Variants in LIFR observed in about 807,000 individuals in gnomAD.
The protein encoded by LIFR is leukemia inhibitory factor receptor.
Under a neutral mutation model 122.2 loss-of-function variants are expected in LIFR, and 84 were observed. The ratio of observed to expected loss-of-function variants is 0.69; its 90% CI spans 0.58 to 0.82. The LOEUF is 0.82. LIFR is among the 40% of genes least tolerant of loss of function. The probability of loss-of-function intolerance (pLI) is 0.00; values close to 1 mark genes in which losing one functional copy is unlikely to be tolerated. For synonymous variants in LIFR, 422 were observed against 434.7 expected, an observed-to-expected ratio of 0.97 and a Z score of 0.36; for missense variants, 1,294 against 1,311.6, an observed-to-expected ratio of 0.99 and a Z score of 0.21.
chr5:38,536,954 T>C (rs373912785), intron 1 of LIFR, among the ~76,000 whole-genome samples: 4 of 152,252 alleles, frequency 2.6e-5, no homozygotes, highest in African/African-American at 7.2e-5. Flanking sequence ...AGAATAATCT[T>C]GTCAATTTTT....
Position 38,506,592 on chromosome 5 carries a change from A to G in LIFR, c.1032T>C (p.His344=). ...DTPQQLNCET[H]DLKEIICSWN... is the part of the protein sequence containing the mutation. The stretch of plus-strand genomic sequence containing the variant: ...AACTACATATAATTTCTTTTAAATC[A>G]TGTGTCTCACAATTCAGTTGTTGAG... The change falls in exon 8 of 20, where the codon CAT becomes CAC. Residue 344 remains histidine (H), a synonymous_variant. Coordinates refer to ENST00000453190, the MANE Select transcript of LIFR (RefSeq NM_001127671.2). 1 of 1,613,744 alleles carries G rather than the reference A, an allele frequency of 6.2e-7. No individual in the cohort carries two copies. The highest frequency in any genetic ancestry group is 8.5e-7 in the Non-Finnish European group (1 of 1,179,680).
intron 11 of LIFR, among the ~76,000 whole-genome samples, chr5:38,500,332 G>A (rs1194674534): frequency 2.0e-5 from 3 of 152,174 alleles, no homozygotes; most frequent in South Asian, 2.1e-4. Flanking sequence ...TCCCTCATCC[G>A]AAATGCTTGG....
upstream of LIFR, among the ~76,000 whole-genome samples, chr5:38,560,744 C>T (rs775189710): frequency 2.0e-4 from 31 of 151,814 alleles, no homozygotes; most frequent in Non-Finnish European, 3.8e-4. Context: ...TACAGGTGTC[C>T]GCCACCACGT....
At chr5:38,585,855 T>G (rs1749728980) in intron 1 of LIFR, among the ~76,000 whole-genome samples, 1 of 152,080 alleles carries the variant, frequency 6.6e-6, no homozygotes, top group Non-Finnish European at 1.5e-5. Context: ...CTAGCTAGGC[T>G]ATTATAGACT....
intron 19 of LIFR, 126 bp from the exon 20 acceptor site, chr5:38,482,344 T>C: frequency 1.1e-6 from 1 of 871,810 alleles, no homozygotes; most frequent in Non-Finnish European, 1.7e-6. Context: ...ACTCTGTATT[T>C]CACACAACAG....
chr5:38,548,266 G>C (rs1289655196), intron 1 of LIFR, among the ~76,000 whole-genome samples: 1 of 152,172 alleles, frequency 6.6e-6, no homozygotes, highest in Non-Finnish European at 1.5e-5. Flanking sequence ...TCTCACACTT[G>C]TGTAATGTAA....
chr5:38,518,344 T>A (rs1377827170), intron 5 of LIFR, among the ~76,000 whole-genome samples: 1 of 152,140 alleles, frequency 6.6e-6, no homozygotes, highest in Non-Finnish European at 1.5e-5. Context: ...GTATCATCTG[T>A]AAAATGGGAA....
At chr5:38,605,074 C>G (rs3099120) in intron 2 of LIFR, among the ~76,000 whole-genome samples, 37,772 of 151,824 alleles carry the variant, frequency 0.25, 5,012 homozygotes, top group African/African-American at 0.35. Flanking sequence ...AGTAACAGGC[C>G]TCCGAGAGAA....
In LIFR at chr5:38,528,844, G is replaced by A. The variant is rs748558512; in HGVS notation, c.143-4C>T. 7.1e-7 allele frequency: 1 copy of A among 1,407,106 alleles called. No homozygotes were observed. The highest frequency in any genetic ancestry group is 9.8e-7 in the Non-Finnish European group (1 of 1,025,442). 87.2% of individuals were successfully genotyped at this position (1,407,106 alleles called of 1,614,324 possible). A position where few individuals can be genotyped will look rare whatever the true frequency, so the allele number is the denominator to read the frequency against. On this transcript the variant is annotated splice_polypyrimidine_tract_variant and splice_region_variant and intron_variant, in intron 2 of 19. Coordinates refer to ENST00000453190, the MANE Select transcript of LIFR (RefSeq NM_001127671.2). ...CACTTCAAATCATGAGGAGCCCCTG[G>A]AGGAGACACACACACACACACACAC...
chr5:38,578,490 G>C (rs866200845), intron 1 of LIFR, among the ~76,000 whole-genome samples: 2 of 151,678 alleles, frequency 1.3e-5, no homozygotes, highest in Non-Finnish European at 1.5e-5. Context: ...ATAGGCATGA[G>C]ACACCACGCC....
chr5:38,535,620 G>C lies in LIFR; in HGVS notation c.-19-4954C>G, dbSNP rs538322699. ...AGAGTTTGCTGACTTCTGCTCTACT[G>C]CTTCACTTCCTAATCTTATAATTCT... On this transcript the variant is annotated intron_variant, in intron 1 of 19. Transcript: ENST00000453190. 2.0e-5 allele frequency among the ~76,000 whole-genome samples: 3 copies of C among 152,174 alleles called. No homozygotes were observed. In the East Asian group the frequency reaches 5.8e-4, roughly 29 times the overall value.
At chr5:38,483,180 G>A (rs562518195) in intron 18 of LIFR, among the ~76,000 whole-genome samples, 1 of 152,230 alleles carries the variant, frequency 6.6e-6, no homozygotes, top group South Asian at 2.1e-4. Context: ...CGAGTACACT[G>A]CAGGCTGTGC....
In LIFR at chr5:38,549,854, A is replaced by AT. The variant is rs201253120; in HGVS notation, c.-20+6479dup. On this transcript the variant is annotated intron_variant, in intron 1 of 19. Transcript: ENST00000453190. ...ATTAGAGGAGGGTTTTTTTAAATGTATTTTTTTTGTGGTGGTCACTAGAAT... is the reference window on the plus strand; with the variant it reads ...ATTAGAGGAGGGTTTTTTTAAATGTATTTTTTTTTGTGGTGGTCACTAGAAT... 5.3e-3 allele frequency among the ~76,000 whole-genome samples: 810 copies of AT among 152,080 alleles called. 15 individuals carry two copies. Among genetic ancestry groups the AT allele is most frequent in the Admixed American group, 0.042 (649 of 15,274 alleles).
intron 1 of LIFR, among the ~76,000 whole-genome samples, chr5:38,574,083 T>G (rs1016889501): frequency 6.6e-6 from 1 of 151,988 alleles, no homozygotes; most frequent in African/African-American, 2.4e-5. Flanking sequence ...ACCACTGCTT[T>G]CCAGCCTGGG....
intron 5 of LIFR, among the ~76,000 whole-genome samples, chr5:38,517,213 A>G (rs560480399): frequency 6.6e-6 from 1 of 152,238 alleles, no homozygotes; most frequent in Non-Finnish European, 1.5e-5. Context: ...ATAAAAAATT[A>G]TAAAATTTAA....
upstream of LIFR, among the ~76,000 whole-genome samples, chr5:38,598,232 T>TA (rs1750151339): frequency 1.4e-5 from 1 of 73,774 alleles, no homozygotes; most frequent in Admixed American, 1.8e-4. Context: ...TTTTTTTTTT[T>TA]ATTTATTTAT....
chr5:38,544,765 T>G (rs1747782830), intron 1 of LIFR, among the ~76,000 whole-genome samples: 1 of 152,216 alleles, frequency 6.6e-6, no homozygotes. Flanking sequence ...CAGCATGACC[T>G]GAGAGTTCAG....
Position 38,528,786 on chromosome 5 carries a change from G to C in LIFR, c.197C>G (p.Ser66Cys), listed in dbSNP as rs1746831550. ...GCCTGTTCCAGAGGGTGCTTTCCAA[G>C]AACAGTTCCACACTTGCAAATTGTT... ...VTNNLQVWNCSWKAPSGTGRG... is the reference protein window; with the variant it reads ...VTNNLQVWNCCWKAPSGTGRG... The change falls in exon 3 of 20, where the codon TCT becomes TGT. Residue 66 changes from serine to cysteine, a missense_variant. Transcript: ENST00000453190. 1.3e-6 allele frequency: 2 copies of C among 1,596,732 alleles called. No homozygotes were observed. The highest frequency in any genetic ancestry group is 1.7e-6 in the Non-Finnish European group (2 of 1,170,334).
intron 13 of LIFR, among the ~76,000 whole-genome samples, chr5:38,494,577 G>T (rs549299057): frequency 6.6e-6 from 1 of 152,304 alleles, no homozygotes; most frequent in Admixed American, 6.5e-5. Context: ...CAGGCTGGGG[G>T]TGAAGAATTG....
Sources: allele counts gnomAD v4.1 joint callset (sites outside exome capture counted in the v4.1 genomes callset), GRCh38; gene constraint gnomAD v4.1.1; transcripts MANE v1.5; gene names NCBI Gene and HGNC (gene_info 2026-07-23, HGNC 2026-07-21).